Variants in POP4 observed in about 807,000 individuals in gnomAD.
POP4 encodes the protein POP4 ribonuclease P/MRP subunit, also known as ribonuclease P protein subunit p29.
Under a neutral mutation model 29.9 loss-of-function variants are expected in POP4, and 31 were observed. The ratio of observed to expected loss-of-function variants is 1.04; its 90% CI spans 0.78 to 1.40. POP4 has a LOEUF of 1.40. POP4 is among the 40% of genes most tolerant of loss of function. The probability of loss-of-function intolerance (pLI) is 0.00; values close to 1 mark genes in which losing one functional copy is unlikely to be tolerated. For synonymous variants in POP4, 110 were observed against 108.2 expected (o/e 1.02, Z -0.10); for missense variants, 286 against 282.7 (o/e 1.01, Z -0.08).
At chr19:29,610,013 A>T (rs946040659) in intron 2 of POP4, among the ~76,000 whole-genome samples, 1 of 152,188 alleles carries the variant, frequency 6.6e-6, no homozygotes, top group Non-Finnish European at 1.5e-5. Flanking sequence ...TGCTACTCTG[A>T]GCTCACTTTC....
rs1971101069 is a variant in POP4 at position 29,613,894 on chromosome 19, T to C, written c.448T>C (p.Tyr150His). The change falls in exon 6 of 7, where the codon TAT becomes CAT. Residue 150 changes from tyrosine to histidine, a missense_variant. Physicochemically the swap from Tyr to His is moderately conservative, Grantham distance 83. Transcript: ENST00000585603. ...ISVTKSKCPS[Y>H]VGITGILLQE... ...AGTGACAAAATCCAAATGCCCCTCTTATGTGGGTATTACAGGAATCCTTCT... is the reference window on the plus strand; with the variant it reads ...AGTGACAAAATCCAAATGCCCCTCTCATGTGGGTATTACAGGAATCCTTCT... The C allele has an allele frequency of 1.2e-6, 2 of 1,613,572 alleles. No homozygotes were observed. Among genetic ancestry groups the C allele is most frequent in the South Asian group, 1.1e-5 (1 of 91,016 alleles).
intron 5 of POP4, 34 bp downstream of exon 5, chr19:29,612,212 T>G: frequency 2.6e-6 from 4 of 1,562,066 alleles, no homozygotes; most frequent in Non-Finnish European, 3.5e-6. Flanking sequence ...CACATGGCCA[T>G]CCAGAGGTTC....
intron 1 of POP4, among the ~76,000 whole-genome samples, chr19:29,606,645 C>T (rs966246777): frequency 6.6e-6 from 1 of 152,110 alleles, no homozygotes; most frequent in Non-Finnish European, 1.5e-5. Context: ...CAAGATCCTG[C>T]TCCTTTCTGC....
chr19:29,615,248 C>G lies in POP4; in HGVS notation c.531C>G (p.Ile177Met), dbSNP rs1263599642. 5 of 1,391,284 alleles carry G rather than the reference C, an allele frequency of 3.6e-6. No individual in the cohort carries two copies. The highest frequency in any genetic ancestry group is 2.6e-5 in the East Asian group (1 of 37,976). 86.2% of individuals were successfully genotyped at this position (1,391,284 alleles called of 1,614,324 possible). A position where few individuals can be genotyped will look rare whatever the true frequency, so the allele number is the denominator to read the frequency against. Residue 177 changes from isoleucine to methionine, a missense_variant, in exon 7 of 7, where the codon ATC becomes ATG. Ile to Met is a conservative substitution (Grantham distance 10, BLOSUM62 1). Coordinates refer to ENST00000585603, the MANE Select transcript of POP4 (RefSeq NM_006627.3). ...CTTTTTTTTTTTTTTTTTCAGTTAT[C>G]CCCAAGCTAAACTGCGTGTTCACTG... ...IITKEDRLKV[I>M]PKLNCVFTVE...
Position 29,610,404 on chromosome 19 carries a change from T to A in POP4, c.61-5T>A. 1 of 1,551,506 alleles carries A rather than the reference T, an allele frequency of 6.4e-7. No homozygotes were observed. The highest frequency in any genetic ancestry group is 8.7e-7 in the Non-Finnish European group (1 of 1,147,648). On this transcript the variant is annotated splice_region_variant and splice_polypyrimidine_tract_variant and intron_variant, in intron 2 of 6. Coordinates refer to ENST00000585603, the MANE Select transcript of POP4 (RefSeq NM_006627.3). ...TGAGCGCCGCACCCCCTTGTCCGCC[T>A]GCAGCCTTCAGGAGCACAGCGGGCC...
At chr19:29,609,971 G>A (rs1320222556) in intron 2 of POP4, among the ~76,000 whole-genome samples, 1 of 152,220 alleles carries the variant, frequency 6.6e-6, no homozygotes, top group Non-Finnish European at 1.5e-5. Flanking sequence ...GCTGTTTTCT[G>A]TAGTGTTAGG....
Position 29,610,425 on chromosome 19 carries a change from G to A in POP4, c.77G>A (p.Arg26Gln), listed in dbSNP as rs371815864. ...CGCCTGCAGCCTTCAGGAGCACAGC[G>A]GGCCGAGGCCTTCGTGAGGGCCTTC... Reference protein sequence around the residue: ...DSDVQPSGAQRAEAFVRAFLK... With the variant: ...DSDVQPSGAQQAEAFVRAFLK... Residue 26 changes from arginine to glutamine, a missense_variant, in exon 3 of 7, where the codon CGG becomes CAG. Coordinates refer to ENST00000585603, the MANE Select transcript of POP4 (RefSeq NM_006627.3). 2.4e-5 allele frequency: 37 copies of A among 1,567,648 alleles called. No individual in the cohort carries two copies. The highest frequency in any genetic ancestry group is 2.1e-4 in the Middle Eastern group (1 of 4,874).
intron 3 of POP4, chr19:29,610,864 C>CAAGTACATCTGTTGCCATG: frequency 1.8e-6 from 1 of 548,946 alleles, no homozygotes. Flanking sequence ...AAGACCCGTG[C>CAAGTACATCTGTTGCCATG]AAGTACATCT....
intron 1 of POP4, among the ~76,000 whole-genome samples, chr19:29,607,617 T>G (rs1971015317): frequency 6.6e-6 from 1 of 152,232 alleles, no homozygotes; most frequent in Non-Finnish European, 1.5e-5. Flanking sequence ...CTTATTCCAT[T>G]CACACCTGTA....
chr19:29,615,159 G>A, intron 6 of POP4, 85 bp from the exon 7 acceptor site: 1 of 1,388,842 alleles, frequency 7.2e-7, no homozygotes, highest in Non-Finnish European at 9.5e-7. Flanking sequence ...AATGTGTTCT[G>A]AATAATATTC....
At chr19:29,612,322 G>C in intron 5 of POP4, 144 bp downstream of exon 5, 6 of 785,830 alleles carry the variant, frequency 7.6e-6, no homozygotes, top group Non-Finnish European at 1.2e-5. Context: ...TCATCCCCAC[G>C]CTAAGGGTGG....
Position 29,615,246 on chromosome 19 carries a change from A to ATTT in POP4, c.530_531insTTT (p.Ile177_Pro178insPhe). ...GCCTTTTTTTTTTTTTTTTTCAGTT[A>ATTT]TCCCCAAGCTAAACTGCGTGTTCAC... On this transcript the variant is annotated inframe_insertion, in exon 7 of 7. Coordinates refer to ENST00000585603, the MANE Select transcript of POP4 (RefSeq NM_006627.3). 5 of 1,240,048 alleles carry ATTT rather than the reference A, an allele frequency of 4.0e-6. No individual in the cohort carries two copies. Among genetic ancestry groups the ATTT allele is most frequent in the South Asian group, 2.2e-5 (1 of 44,976 alleles). The allele number at this position is 1,240,048 out of a possible 1,614,324, so 76.8% of individuals were successfully genotyped here.
rs144870169 is a variant in POP4 at position 29,611,928 on chromosome 19, C to T, written c.351C>T (p.Leu117=). Residue 117 remains leucine, a synonymous_variant, in exon 4 of 7, where the codon CTC becomes CTT. Coordinates refer to ENST00000585603, the MANE Select transcript of POP4 (RefSeq NM_006627.3). ...ACATCAGGGACCTGTGCAGTGGGCT[C>T]AAGCCAGACACGTAAGTTGCATTCC... The part of the protein sequence containing the change: ...KQYIRDLCSG[L]KPDTQPQMIQ... 9 of 1,613,870 alleles carry T rather than the reference C, an allele frequency of 5.6e-6. No individual in the cohort carries two copies. In the African/African-American group the frequency reaches 9.3e-5, roughly 17 times the overall value.
Position 29,611,939 on chromosome 19 carries a change from C to G in POP4, c.362C>G (p.Thr121Arg), listed in dbSNP as rs201440100. 1 of 1,613,312 alleles carries G rather than the reference C, an allele frequency of 6.2e-7. No individual in the cohort carries two copies. Among genetic ancestry groups the G allele is most frequent in the Non-Finnish European group, 8.5e-7 (1 of 1,179,354 alleles). ...CTGTGCAGTGGGCTCAAGCCAGACACGTAAGTTGCATTCCTGAAGCTTTGC... is the reference window on the plus strand; with the variant it reads ...CTGTGCAGTGGGCTCAAGCCAGACAGGTAAGTTGCATTCCTGAAGCTTTGC... Reference protein sequence around the residue: ...RDLCSGLKPDTQPQMIQAKLL... With the variant: ...RDLCSGLKPDRQPQMIQAKLL... The change falls in exon 4 of 7, where the codon ACG (threonine) becomes AGG (arginine). Residue 121 changes from threonine to arginine, a missense_variant and splice_region_variant. Physicochemically the swap from Thr to Arg is moderately conservative, Grantham distance 71 (BLOSUM62 -1). Coordinates refer to ENST00000585603, the MANE Select transcript of POP4 (RefSeq NM_006627.3).
chr19:29,608,561 C>T (rs935961662), intron 1 of POP4, 96 bp from the exon 2 acceptor site: 21 of 1,265,392 alleles, frequency 1.7e-5, no homozygotes, highest in African/African-American at 5.9e-5. Context: ...TGAGCCACTG[C>T]GCCTAGTGGC....
rs952752480 is a variant in POP4 at position 29,610,728 on chromosome 19, T to C, written c.284+96T>C. 20 of 1,242,918 alleles carry C rather than the reference T, an allele frequency of 1.6e-5. 1 individual carries two copies. The Admixed American group carries it at 4.2e-4, about 26-fold the overall frequency. 77.0% of individuals were successfully genotyped at this position (1,242,918 alleles called of 1,614,324 possible). On this transcript the variant is annotated intron_variant, in intron 3 of 6. Coordinates refer to ENST00000585603, the MANE Select transcript of POP4 (RefSeq NM_006627.3). ...GCTGGGGAGGCAGCCTGGCTCCACC[T>C]AAGCTAAGGGGGCCTCTCTGTCGTC...
At position 29,616,178 on chromosome 19, in the gene POP4, T is replaced by C. The variant is rs538978430; in HGVS notation, c.*798T>C. On this transcript the variant is annotated 3_prime_UTR_variant, in exon 7 of 7. Transcript: ENST00000585603. ...TGCTGCAAAAGCCAAGCCAGCAGCATTGACGCCCTTTGATATCTTCGCCAT... is the reference window on the plus strand; with the variant it reads ...TGCTGCAAAAGCCAAGCCAGCAGCACTGACGCCCTTTGATATCTTCGCCAT... The C allele has an allele frequency of 1.2e-4, 19 of 152,364 alleles. No individual in the cohort carries two copies. The highest frequency in any genetic ancestry group is 4.3e-4 in the African/African-American group (18 of 41,586). The allele number at this position is 152,364 out of a possible 1,614,324, so 9.4% of individuals were successfully genotyped here. A position where few individuals can be genotyped will look rare whatever the true frequency, so the allele number is the denominator to read the frequency against.
chr19:29,610,514 G>T lies in POP4; in HGVS notation c.166G>T (p.Val56Leu). ...AREDQLQRKA[V>L]VLEYFTRHKR... Reference sequence around the variant, plus strand: ...CGAGGACCAGCTGCAGCGCAAGGCGGTGGTCCTGGAGTACTTCACCCGCCA... The same window carrying T: ...CGAGGACCAGCTGCAGCGCAAGGCGTTGGTCCTGGAGTACTTCACCCGCCA... The change falls in exon 3 of 7, where the codon GTG becomes TTG. Residue 56 changes from valine (V) to leucine (L), a missense_variant. By Grantham distance (32) the Val-to-Leu change is conservative (BLOSUM62 1). Transcript: ENST00000585603. 6.2e-7 allele frequency: 1 copy of T among 1,613,302 alleles called. No homozygotes were observed. The highest frequency in any genetic ancestry group is 8.5e-7 in the Non-Finnish European group (1 of 1,179,848).
At chr19:29,614,078 C>T (rs1024126875) in intron 6 of POP4, 106 bp downstream of exon 6, 1 of 1,478,210 alleles carries the variant, frequency 6.8e-7, no homozygotes, top group East Asian at 2.4e-5. Context: ...CTCAAGTCAG[C>T]GCAGATTGCA....
Sources: gnomAD v4.1 joint callset for allele counts (sites outside exome capture counted in the v4.1 genomes callset) on GRCh38, gnomAD v4.1.1 for gene constraint, MANE v1.5 for transcripts, NCBI Gene and HGNC (gene_info 2026-07-23, HGNC 2026-07-21) for gene names.